GALNT13: variants seen among roughly 807,000 people sequenced by gnomAD.
GALNT13 encodes polypeptide N-acetylgalactosaminyltransferase 13.
In GALNT13, 28 loss-of-function variants were observed where a neutral mutation model predicts 64.2. The ratio of observed to expected loss-of-function variants is 0.44; its 90% confidence interval spans 0.32 to 0.60. The LOEUF is 0.60. Ranked by LOEUF, GALNT13 falls within the 20% of genes least tolerant of loss-of-function variation. The probability of loss-of-function intolerance (pLI) is 0.05; values close to 1 mark genes in which losing one functional copy is unlikely to be tolerated. For missense variants in GALNT13, 577 were observed against 669.8 expected (o/e 0.86, Z 1.53); for synonymous variants, 214 against 224.6 (o/e 0.95, Z 0.42).
chr2:154,419,463 G>T (rs1700160136), intron 11 of GALNT13, among the ~76,000 whole-genome samples: 1 of 151,986 alleles, frequency 6.6e-6, no homozygotes, highest in Non-Finnish European at 1.5e-5. Context: ...TCTACATTTT[G>T]ATTGTTAACA....
At chr2:154,328,419 AT>A (rs1005821974) in intron 9 of GALNT13, among the ~76,000 whole-genome samples, 2 of 151,962 alleles carry the variant, frequency 1.3e-5, no homozygotes, top group African/African-American at 2.4e-5. Flanking sequence ...ATCATAATTT[AT>A]TTTTCCCTGC....
chr2:153,799,982 A>G, the GALNT13 span, among the ~76,000 whole-genome samples: 1 of 150,386 alleles, frequency 6.6e-6, no homozygotes, highest in Admixed American at 6.6e-5. Context: ...AATGACTGGC[A>G]TGGTCATCAG....
rs140005940 is a variant in GALNT13 at position 154,299,769 on chromosome 2, A to G, written c.976-1640A>G. On this transcript the variant is annotated intron_variant, in intron 8 of 12. Coordinates refer to ENST00000392825, the MANE Select transcript of GALNT13 (RefSeq NM_052917.4). ...TGAGCCACCGCGCCCGGCCTGAAATACGTTGATTATTTAAGAATGAGCTTC... is the reference window on the plus strand; with the variant it reads ...TGAGCCACCGCGCCCGGCCTGAAATGCGTTGATTATTTAAGAATGAGCTTC... Among the ~76,000 whole-genome samples the G allele has an allele frequency of 2.4e-3, 363 of 151,900 alleles. 3 individuals carry two copies. The highest frequency in any genetic ancestry group is 8.2e-3 in the African/African-American group (339 of 41,426).
At chr2:153,870,981 C>T (rs1427266041), upstream of GALNT13, among the ~76,000 whole-genome samples, 2 of 152,062 alleles carry the variant, frequency 1.3e-5, no homozygotes, top group Non-Finnish European at 1.5e-5. Flanking sequence ...TCGGCAATCC[C>T]AATTTCCTAG....
At chr2:153,353,019 T>C in the GALNT13 span, among the ~76,000 whole-genome samples, 3 of 152,136 alleles carry the variant, frequency 2.0e-5, no homozygotes, top group Non-Finnish European at 4.4e-5. Flanking sequence ...TTGGGATGTA[T>C]TGATTCTATA....
chr2:153,552,452 G>C, the GALNT13 span, among the ~76,000 whole-genome samples: 3 of 152,052 alleles, frequency 2.0e-5, no homozygotes, highest in East Asian at 1.9e-4. Flanking sequence ...TGGACATAGA[G>C]AGTAGCCCTG....
chr2:153,372,910 T>C, the GALNT13 span, among the ~76,000 whole-genome samples: 1 of 152,188 alleles, frequency 6.6e-6, no homozygotes, highest in Non-Finnish European at 1.5e-5. Context: ...CTTTCTATCT[T>C]AAAATATTTA....
At chr2:153,121,134 T>G in the GALNT13 span, among the ~76,000 whole-genome samples, 1 of 152,170 alleles carries the variant, frequency 6.6e-6, no homozygotes, top group Admixed American at 6.5e-5. Context: ...GCATCTAGCA[T>G]TAGAAGAGTT....
At chr2:153,628,252 C>A in the GALNT13 span, among the ~76,000 whole-genome samples, 3 of 151,646 alleles carry the variant, frequency 2.0e-5, no homozygotes, top group African/African-American at 7.3e-5. Flanking sequence ...TGGGCTGAGA[C>A]AATGGGGTTT....
chr2:153,073,696 C>A, the GALNT13 span, among the ~76,000 whole-genome samples: 1 of 152,082 alleles, frequency 6.6e-6, no homozygotes, highest in African/African-American at 2.4e-5. Flanking sequence ...AAAAAGTTAA[C>A]AATAATTCCT....
the GALNT13 span, among the ~76,000 whole-genome samples, chr2:153,600,667 T>A: frequency 6.6e-6 from 1 of 152,008 alleles, no homozygotes; most frequent in Non-Finnish European, 1.5e-5. Context: ...CTTTCACAAC[T>A]GAGATTCATT....
chr2:153,956,846 A>G (rs1218247760), intron 3 of GALNT13, among the ~76,000 whole-genome samples: 2 of 152,196 alleles, frequency 1.3e-5, no homozygotes, highest in African/African-American at 4.8e-5. Context: ...AAGACGTTAA[A>G]CCACATAATA....
the GALNT13 span, among the ~76,000 whole-genome samples, chr2:153,499,077 TC>T: frequency 6.6e-6 from 1 of 152,212 alleles, no homozygotes; most frequent in Non-Finnish European, 1.5e-5. Flanking sequence ...CGATCTGATC[TC>T]CTTACCTCGT....
chr2:153,575,550 A>G, the GALNT13 span, among the ~76,000 whole-genome samples: 21 of 152,168 alleles, frequency 1.4e-4, no homozygotes, highest in Admixed American at 1.4e-3. Context: ...CTGGTATTCT[A>G]TTGTAGTGCA....
the GALNT13 span, among the ~76,000 whole-genome samples, chr2:153,342,767 C>A: frequency 0.067 from 10,190 of 152,186 alleles, 1,134 homozygotes; most frequent in African/African-American, 0.23. Flanking sequence ...TCATGCTCAC[C>A]CTGGTTTTTG....
chr2:154,318,180 C>CCTGG (rs1276868427), intron 9 of GALNT13, among the ~76,000 whole-genome samples: 2 of 151,442 alleles, frequency 1.3e-5, no homozygotes, highest in East Asian at 1.9e-4. Flanking sequence ...ATTGATTATC[C>CCTGG]CTGGCTTTAT....
rs544580177 is a variant in GALNT13, at chr2:154,231,751, G to A, written c.312-10279G>A. On this transcript the variant is annotated intron_variant, in intron 4 of 12. Coordinates refer to ENST00000392825, the MANE Select transcript of GALNT13 (RefSeq NM_052917.4). ...CTATTAGGTTGGTGCAAAAGTAATC[G>A]CAGTTTTTGCCATTACTTTCAATGG... 7.0e-5 allele frequency among the ~76,000 whole-genome samples: 10 copies of A among 143,380 alleles called. No homozygotes were observed. The East Asian group carries it at 1.2e-3, about 18-fold the overall frequency. The allele number at this position is 143,380 out of a possible 152,430, so 94.1% of individuals were successfully genotyped here.
chr2:153,121,466 A>G, the GALNT13 span, among the ~76,000 whole-genome samples: 2 of 152,184 alleles, frequency 1.3e-5, no homozygotes, highest in Non-Finnish European at 2.9e-5. Context: ...ATTCTCCTCA[A>G]TTAACTACTG....
At chr2:154,168,428 C>T (rs1685155239) in intron 4 of GALNT13, among the ~76,000 whole-genome samples, 1 of 151,996 alleles carries the variant, frequency 6.6e-6, no homozygotes, top group Admixed American at 6.6e-5. Context: ...TACTAATTGA[C>T]CTAATTTCAT....
Sources: gnomAD v4.1 joint callset for allele counts (sites outside exome capture counted in the v4.1 genomes callset) on GRCh38, gnomAD v4.1.1 for gene constraint, MANE v1.5 for transcripts, NCBI Gene and HGNC (gene_info 2026-07-23, HGNC 2026-07-21) for gene names.